Variants in REV3L observed in about 807,000 individuals in gnomAD.
REV3L encodes REV3 like, DNA directed polymerase zeta catalytic subunit.
REV3L carries 69 observed loss-of-function variants against 299.4 expected under a neutral mutation model. That is an observed-to-expected ratio of 0.23 (90% confidence interval 0.19 to 0.28). The LOEUF is 0.28. Ranked by LOEUF, REV3L falls within the 10% of genes least tolerant of loss-of-function variation. The pLI is 1.00. For missense variants in REV3L, 3,128 were observed against 3,693.8 expected (o/e 0.85, Z 3.97); for synonymous variants, 1,238 against 1,271.4 (o/e 0.97, Z 0.56).
Position 111,464,016 on chromosome 6 carries a change from C to G in REV3L, c.139+18734G>C, listed in dbSNP as rs145300423. ...TCCAAAATCTAAATAAATGAATTAG[C>G]TCCCATCACTGATTAAATCACTAAA... On this transcript the variant is annotated intron_variant, in intron 1 of 31. Transcript: ENST00000368802. Among the ~76,000 whole-genome samples, 181 of 152,232 alleles carry G rather than the reference C, an allele frequency of 1.2e-3. 1 individual carries two copies. Among genetic ancestry groups the G allele is most frequent in the Non-Finnish European group, 1.8e-3 (121 of 68,014 alleles).
At chr6:111,337,322 A>T (rs1776006579) in intron 21 of REV3L, among the ~76,000 whole-genome samples, 1 of 152,210 alleles carries the variant, frequency 6.6e-6, no homozygotes, top group African/African-American at 2.4e-5. Flanking sequence ...TAAACTCTAT[A>T]AATGTTTAAG....
At chr6:111,341,164 A>G (rs465782) in intron 21 of REV3L, among the ~76,000 whole-genome samples, 81,849 of 151,224 alleles carry the variant, frequency 0.54, 26,159 homozygotes, top group Non-Finnish European at 0.73. Flanking sequence ...TTCATGCCTC[A>G]GCCTCCCGAG....
At chr6:111,307,846 T>TA (rs1772503148) in intron 30 of REV3L, 1 of 372,588 alleles carries the variant, frequency 2.7e-6, no homozygotes, top group Non-Finnish European at 5.0e-6. Context: ...GCAGGTTTGT[T>TA]ACATATGTAT....
At chr6:111,319,156 A>G (rs528517760) in intron 26 of REV3L, among the ~76,000 whole-genome samples, 90 of 152,250 alleles carry the variant, frequency 5.9e-4, no homozygotes, top group Non-Finnish European at 1.0e-3. Flanking sequence ...AGGTACATAT[A>G]CTTTACATCT....
chr6:111,460,481 G>C (rs1173506332), intron 1 of REV3L: 3 of 151,842 alleles, frequency 2.0e-5, no homozygotes, highest in Admixed American at 2.0e-4. Flanking sequence ...ATAACAAACA[G>C]TAGAGTGACA....
intron 9 of REV3L, among the ~76,000 whole-genome samples, chr6:111,384,140 A>G (rs1781102456): frequency 6.6e-6 from 1 of 152,210 alleles, no homozygotes; most frequent in Non-Finnish European, 1.5e-5. Flanking sequence ...GACTCAAACT[A>G]TGAAAATACT....
In REV3L at chr6:111,373,571, A is replaced by C; in HGVS notation, c.4784T>G (p.Ile1595Ser). The change falls in exon 13 of 32, where the codon ATC becomes AGC. Residue 1595 changes from isoleucine to serine, a missense_variant. Ile to Ser is a moderately radical substitution (Grantham distance 142). Coordinates refer to ENST00000368802, the MANE Select transcript of REV3L (RefSeq NM_001372078.1). ...AGAGTCTACTTTGAGAAGTTTGGGG[A>C]TTTTTTCTTTTTGTTTTGTACTTCT... is the stretch of plus-strand genomic sequence containing the variant. ...TPRSTKQKEK[I>S]PKLLKVDSLN... 2 of 1,613,418 alleles carry C rather than the reference A, an allele frequency of 1.2e-6. No homozygotes were observed. Among genetic ancestry groups the C allele is most frequent in the South Asian group, 1.1e-5 (1 of 91,034 alleles).
chr6:111,377,935 G>C, intron 11 of REV3L, 92 bp from the exon 12 acceptor site: 2 of 987,306 alleles, frequency 2.0e-6, no homozygotes, highest in Non-Finnish European at 2.9e-6. Flanking sequence ...CTATAATAAT[G>C]TATCTAAGTT....
At chr6:111,450,739 C>A (rs1562331530) in intron 1 of REV3L, among the ~76,000 whole-genome samples, 1 of 152,056 alleles carries the variant, frequency 6.6e-6, no homozygotes, top group Non-Finnish European at 1.5e-5. Flanking sequence ...AAGAAAAAAA[C>A]TGTGAAAAGA....
At chr6:111,446,733 C>CAAACA (rs201702475) in intron 1 of REV3L, among the ~76,000 whole-genome samples, 3 of 148,780 alleles carry the variant, frequency 2.0e-5, no homozygotes, top group Non-Finnish European at 4.5e-5. Flanking sequence ...AACAAACAAA[C>CAAACA]AACTCCCAAA....
Position 111,375,846 on chromosome 6 carries a change from G to A in REV3L, c.2509C>T (p.Leu837Phe). ...GTAGAAGTCTCCTGATGACCTGCAA[G>A]TTTCCTTTTATTCAATTTTAACCGG... ...PSRLKLNKRK[L>F]AGHQETSTKS... is the part of the protein sequence containing the mutation. The change falls in exon 13 of 32, where the codon CTT (leucine) becomes TTT (phenylalanine). Residue 837 changes from leucine (L) to phenylalanine (F), a missense_variant. Transcript: ENST00000368802. 6 of 1,613,590 alleles carry A rather than the reference G, an allele frequency of 3.7e-6. No individual in the cohort carries two copies. Among genetic ancestry groups the A allele is most frequent in the Non-Finnish European group, 4.2e-6 (5 of 1,179,816 alleles).
At chr6:111,450,902 A>G (rs1276713621) in intron 1 of REV3L, among the ~76,000 whole-genome samples, 1 of 152,254 alleles carries the variant, frequency 6.6e-6, no homozygotes, top group Non-Finnish European at 1.5e-5. Context: ...GAAAAGTGGA[A>G]TGAGATATTA....
chr6:111,473,053 T>C (rs139560353), intron 1 of REV3L, among the ~76,000 whole-genome samples: 19 of 152,292 alleles, frequency 1.2e-4, no homozygotes, highest in South Asian at 4.1e-4. Context: ...TTATTATCAC[T>C]ATGATGTTAA....
At chr6:111,426,822 T>G (rs1786238217) in intron 1 of REV3L, among the ~76,000 whole-genome samples, 1 of 152,302 alleles carries the variant, frequency 6.6e-6, no homozygotes, top group South Asian at 2.1e-4. Flanking sequence ...AAAAGCTCAG[T>G]CTTAAAAAAC....
chr6:111,303,701 C>CTTTTTTTTTT (rs58366929), intron 31 of REV3L, among the ~76,000 whole-genome samples: 10 of 12,642 alleles, frequency 7.9e-4, no homozygotes, highest in South Asian at 7.1e-3. Flanking sequence ...CAGACTATGA[C>CTTTTTTTTTT]TTTTTTTTTT....
rs1282985773 is a variant in REV3L at position 111,300,077 on chromosome 6, G to A, written c.9332C>T (p.Ser3111Phe). ...SLNCPVLFKLSRVNRELSKAP... is the reference protein window; with the variant it reads ...SLNCPVLFKLFRVNRELSKAP... Reference sequence around the variant, plus strand: ...CTTGGACAATTCTCTATTTACTCGGGAGAGTTTGAAAAGTACTGGGCAGTT... The same window carrying A: ...CTTGGACAATTCTCTATTTACTCGGAAGAGTTTGAAAAGTACTGGGCAGTT... The change falls in exon 32 of 32, where the codon TCC becomes TTC. Residue 3111 changes from serine (S) to phenylalanine (F), a missense_variant. By Grantham distance (155) the Ser-to-Phe change is radical (BLOSUM62 -2). Around this residue, in one of 9 missense-constraint regions of REV3L, gnomAD observed 294 missense variants for 377.0 expected, o/e 0.78. Transcript: ENST00000368802. 1 of 1,613,768 alleles carries A rather than the reference G, an allele frequency of 6.2e-7. No individual in the cohort carries two copies.
At chr6:111,308,832 A>G (rs914777338) in intron 30 of REV3L, among the ~76,000 whole-genome samples, 3 of 152,250 alleles carry the variant, frequency 2.0e-5, no homozygotes, top group Admixed American at 1.3e-4. Flanking sequence ...GAAGCTAGGA[A>G]TGTGTTTGTA....
At chr6:111,406,357 A>G (rs1020421822) in intron 3 of REV3L, among the ~76,000 whole-genome samples, 7 of 152,160 alleles carry the variant, frequency 4.6e-5, no homozygotes, top group Admixed American at 4.6e-4. Context: ...GCAGGGATAG[A>G]GAAGTAATGA....
intron 1 of REV3L, among the ~76,000 whole-genome samples, chr6:111,452,052 A>T (rs753404261): frequency 1.3e-5 from 2 of 152,084 alleles, no homozygotes; most frequent in Non-Finnish European, 2.9e-5. Context: ...TGTAAAAAAG[A>T]TTTGGATACT....
Sources: gnomAD v4.1 joint callset for allele counts (sites outside exome capture counted in the v4.1 genomes callset) on GRCh38, gnomAD v4.1.1 for gene constraint, gnomAD v4.1.1 regional missense constraint, MANE v1.5 for transcripts, NCBI Gene and HGNC (gene_info 2026-07-23, HGNC 2026-07-21) for gene names.